Variants in TMEM26 observed in about 807,000 individuals in gnomAD.
TMEM26 encodes transmembrane protein 26.
Under a neutral mutation model 28.8 loss-of-function variants are expected in TMEM26, and 38 were observed. That is an observed-to-expected ratio of 1.32 (90% CI 1.02 to 1.73). The LOEUF is 1.73. Ranked by LOEUF, TMEM26 falls within the 40% of genes most tolerant of loss-of-function variation. TMEM26 has a pLI of 0.00. For missense variants in TMEM26, 518 were observed against 447.1 expected (o/e 1.16, Z -1.43); for synonymous variants, 227 against 182.9 (o/e 1.24, Z -1.95).
chr10:61,437,584 G>A (rs1840028567), intron 1 of TMEM26, among the ~76,000 whole-genome samples: 2 of 152,156 alleles, frequency 1.3e-5, no homozygotes, highest in Admixed American at 1.3e-4. Context: ...AGGAGTTTGA[G>A]ACCAGCCTAA....
At chr10:61,436,973 G>A (rs1358522870) in intron 1 of TMEM26, among the ~76,000 whole-genome samples, 2 of 152,130 alleles carry the variant, frequency 1.3e-5, no homozygotes, top group African/African-American at 2.4e-5. Context: ...CCACAAAAAC[G>A]TCACTGCATC....
chr10:61,426,716 A>T (rs1177757981), intron 4 of TMEM26, among the ~76,000 whole-genome samples: 1 of 152,078 alleles, frequency 6.6e-6, no homozygotes, highest in African/African-American at 2.4e-5. Context: ...CAATGAAGTG[A>T]TCCCTTCTTC....
chr10:61,421,087 C>A (rs962933285), intron 4 of TMEM26, among the ~76,000 whole-genome samples: 9 of 151,758 alleles, frequency 5.9e-5, no homozygotes, highest in Admixed American at 2.6e-4. Context: ...GTGCTATGAC[C>A]AAATGGAGCC....
intron 1 of TMEM26, among the ~76,000 whole-genome samples, chr10:61,446,817 C>CAAAAAAAAAAAAAAAAAAAAAAAAAAAAA (rs34030340): frequency 2.9e-5 from 1 of 33,938 alleles, no homozygotes; most frequent in African/African-American, 1.2e-4. Context: ...GACTCCATCT[C>CAAAAAAAAAAAAAAAAAAAAAAAAAAAAA]AAAAAAAAAA....
intron 4 of TMEM26, among the ~76,000 whole-genome samples, chr10:61,418,445 G>A (rs1034901818): frequency 3.3e-5 from 5 of 151,984 alleles, no homozygotes; most frequent in African/African-American, 9.7e-5. Flanking sequence ...ACATTTCAAA[G>A]GGGCAGAAAC....
rs1399911531 is a variant in TMEM26, at chr10:61,453,074, C to G, written c.8G>C (p.Gly3Ala). Reference sequence around the variant, plus strand: ...GGCCAGGGCGTTAAGGAAGACCAGTCCCTCCATGCTGGCCGGAGCACTCTG... The same window carrying G: ...GGCCAGGGCGTTAAGGAAGACCAGTGCCTCCATGCTGGCCGGAGCACTCTG... ME[G>A]LVFLNALATR... Residue 3 changes from glycine (G) to alanine (A), a missense_variant, in exon 1 of 6, where the codon GGA becomes GCA. By Grantham distance (60) the Gly-to-Ala change is moderately conservative. Coordinates refer to ENST00000399298, the MANE Select transcript of TMEM26 (RefSeq NM_178505.8). 3.1e-6 allele frequency: 5 copies of G among 1,612,650 alleles called. No individual in the cohort carries two copies. Among genetic ancestry groups the G allele is most frequent in the African/African-American group, 1.3e-5 (1 of 74,916 alleles).
At chr10:61,419,772 G>A (rs986092032) in intron 4 of TMEM26, among the ~76,000 whole-genome samples, 1 of 151,822 alleles carries the variant, frequency 6.6e-6, no homozygotes, top group Non-Finnish European at 1.5e-5. Flanking sequence ...AATATTTAGA[G>A]AAATAATGGA....
chr10:61,413,627 T>C, intron 4 of TMEM26, 92 bp from the exon 5 acceptor site: 2 of 1,398,096 alleles, frequency 1.4e-6, no homozygotes, highest in Non-Finnish European at 9.3e-7. Context: ...ATATTCCTAA[T>C]AAACCTCTTG....
At position 61,429,057 on chromosome 10, in the gene TMEM26, A is replaced by C; in HGVS notation, c.474T>G (p.Ile158Met). 1 of 1,613,404 alleles carries C rather than the reference A, an allele frequency of 6.2e-7. No homozygotes were observed. Among genetic ancestry groups the C allele is most frequent in the Non-Finnish European group, 8.5e-7 (1 of 1,179,492 alleles). The change falls in exon 4 of 6, where the codon ATT (isoleucine) becomes ATG (methionine). Residue 158 changes from isoleucine to methionine, a missense_variant. Coordinates refer to ENST00000399298, the MANE Select transcript of TMEM26 (RefSeq NM_178505.8). Reference protein sequence around the residue: ...LHQTFLLMLIIGRWLLPIGGG... With the variant: ...LHQTFLLMLIMGRWLLPIGGG... ...CTCCAATGGGTAGAAGCCATCTTCC[A>C]ATTATTAGCATTAACAGGAATGTCT... is the stretch of plus-strand genomic sequence containing the variant.
intron 4 of TMEM26, among the ~76,000 whole-genome samples, chr10:61,423,799 A>C (rs1839786521): frequency 6.6e-6 from 1 of 152,176 alleles, no homozygotes; most frequent in Admixed American, 6.6e-5. Flanking sequence ...AGGTTGGTTT[A>C]ATATCTGAAA....
chr10:61,425,403 T>C (rs1315060601), intron 4 of TMEM26, among the ~76,000 whole-genome samples: 2 of 152,122 alleles, frequency 1.3e-5, no homozygotes, highest in African/African-American at 2.4e-5. Context: ...AAATAGTTCC[T>C]AGATATGACA....
chr10:61,434,493 T>C (rs893628427), intron 2 of TMEM26, among the ~76,000 whole-genome samples: 10 of 152,172 alleles, frequency 6.6e-5, no homozygotes, highest in African/African-American at 1.7e-4. Flanking sequence ...CATGAAAGAA[T>C]TGATTCAAAT....
intron 1 of TMEM26, among the ~76,000 whole-genome samples, chr10:61,438,765 A>C (rs1284363368): frequency 6.6e-6 from 1 of 152,178 alleles, no homozygotes; most frequent in East Asian, 1.9e-4. Context: ...ATATTCGAAG[A>C]CTTCATTATC....
Position 61,413,181 on chromosome 10 carries a change from G to A in TMEM26, c.682+278C>T, listed in dbSNP as rs1915431. ...GAGACACAGATGTATTACCTGGTTT[G>A]CAGGAGGTCTTATAAATCATAACTG... On this transcript the variant is annotated intron_variant, in intron 5 of 5. Transcript: ENST00000399298. Among the ~76,000 whole-genome samples, 994 of 152,072 alleles carry A rather than the reference G, an allele frequency of 6.5e-3. 30 individuals carry two copies. Among genetic ancestry groups the A allele is most frequent in the East Asian group, 0.062 (319 of 5,172 alleles).
intron 1 of TMEM26, among the ~76,000 whole-genome samples, chr10:61,446,512 A>G (rs565911618): frequency 8.5e-5 from 13 of 152,262 alleles, no homozygotes; most frequent in African/African-American, 3.1e-4. Flanking sequence ...GTGCAATAGT[A>G]TTATGTCTTA....
chr10:61,430,118 A>G (rs1223871305), intron 3 of TMEM26, among the ~76,000 whole-genome samples: 1 of 151,790 alleles, frequency 6.6e-6, no homozygotes, highest in Non-Finnish European at 1.5e-5. Context: ...TAATTTATAC[A>G]GGAAGCACAT....
chr10:61,408,947 C>G lies in TMEM26; in HGVS notation c.*1375G>C, dbSNP rs1839529436. 6.6e-6 allele frequency: 1 copy of G among 152,174 alleles called. No homozygotes were observed. 9.4% of individuals were successfully genotyped at this position (152,174 alleles called of 1,614,324 possible). ...AGAGTTACAGATAAAATTGTCCCAA[C>G]TGGTTGTCAATAAGTCATACCAAAT... On this transcript the variant is annotated 3_prime_UTR_variant, in exon 6 of 6. Coordinates refer to ENST00000399298, the MANE Select transcript of TMEM26 (RefSeq NM_178505.8).
chr10:61,450,103 T>C lies in TMEM26; in HGVS notation c.191+2788A>G, dbSNP rs114469508. On this transcript the variant is annotated intron_variant, in intron 1 of 5. Transcript: ENST00000399298. ...TCCACAAACAAGATGGATATTAATA[T>C]TTTTGCTCATGTCTTCACATATGGG... is the stretch of plus-strand genomic sequence containing the variant. Among the ~76,000 whole-genome samples, 369 of 152,282 alleles carry C rather than the reference T, an allele frequency of 2.4e-3. 1 individual carries two copies. Among genetic ancestry groups the C allele is most frequent in the African/African-American group, 8.6e-3 (356 of 41,576 alleles).
intron 3 of TMEM26, 85 bp downstream of exon 3, chr10:61,431,134 G>T: frequency 9.5e-7 from 1 of 1,047,536 alleles, no homozygotes; most frequent in East Asian, 2.4e-5. Flanking sequence ...AGAATTAGCT[G>T]GGAAGCATGT....
Sources: allele counts gnomAD v4.1 joint callset (sites outside exome capture counted in the v4.1 genomes callset), GRCh38; gene constraint gnomAD v4.1.1; transcripts MANE v1.5; gene names NCBI Gene and HGNC (gene_info 2026-07-23, HGNC 2026-07-21).